EYS: variants seen among roughly 807,000 people sequenced by gnomAD.
The protein encoded by EYS is protein eyes shut homolog.
A neutral mutation model predicts 282.1 loss-of-function variants in EYS; 250 were observed. That is an observed-to-expected ratio of 0.89 (90% confidence interval 0.80 to 0.98). The LOEUF (loss-of-function observed/expected upper bound fraction) is 0.98. Among genes scored for constraint, EYS ranks in the 50% least tolerant of loss-of-function variants. The probability of loss-of-function intolerance (pLI) is 0.00; values close to 1 mark genes in which losing one functional copy is unlikely to be tolerated. For missense variants in EYS, 4,016 were observed against 3,709.0 expected, an observed-to-expected ratio of 1.08 and a Z score of -2.15; for synonymous variants, 1,355 against 1,282.9, an observed-to-expected ratio of 1.06 and a Z score of -1.20.
intron 31 of EYS, among the ~76,000 whole-genome samples, chr6:64,141,526 G>A (rs760364622): frequency 2.0e-5 from 3 of 151,490 alleles, no homozygotes; most frequent in Non-Finnish European, 4.4e-5. Flanking sequence ...TTATTTTTTT[G>A]CCAATGAACA....
chr6:65,369,341 T>C (rs1346559633), intron 8 of EYS, among the ~76,000 whole-genome samples: 1 of 145,008 alleles, frequency 6.9e-6, no homozygotes, highest in African/African-American at 2.5e-5. Flanking sequence ...TATATATATA[T>C]ATATCTCATT....
intron 36 of EYS, among the ~76,000 whole-genome samples, chr6:63,820,591 C>G (rs1582240569): frequency 6.6e-6 from 1 of 152,142 alleles, no homozygotes; most frequent in East Asian, 1.9e-4. Flanking sequence ...ATCTTTAAGT[C>G]TCTAATAATC....
intron 22 of EYS, among the ~76,000 whole-genome samples, chr6:64,802,797 T>A (rs1764289943): frequency 6.6e-6 from 1 of 152,218 alleles, no homozygotes; most frequent in Non-Finnish European, 1.5e-5. Context: ...TTATGTATCA[T>A]CTATCTATGT....
intron 22 of EYS, among the ~76,000 whole-genome samples, chr6:64,795,190 A>G (rs888813959): frequency 2.0e-5 from 3 of 151,774 alleles, no homozygotes; most frequent in African/African-American, 7.3e-5. Flanking sequence ...AGCTGAGATC[A>G]CATCATTGCA....
chr6:64,693,090 A>G (rs1039799382), intron 22 of EYS, among the ~76,000 whole-genome samples: 35 of 150,062 alleles, frequency 2.3e-4, no homozygotes, highest in African/African-American at 8.0e-4. Context: ...AAAAAGCACA[A>G]GTATGAATAA....
At chr6:65,403,792 C>T (rs1447545081) in intron 6 of EYS, among the ~76,000 whole-genome samples, 1 of 151,872 alleles carries the variant, frequency 6.6e-6, no homozygotes, top group Non-Finnish European at 1.5e-5. Context: ...CACTAAAAGT[C>T]GCTTCTTATA....
rs1309459749 is a variant in EYS, at chr6:64,886,735, G to T, written c.2954C>A (p.Thr985Asn). The T allele has an allele frequency of 6.5e-7, 1 of 1,547,286 alleles. No homozygotes were observed. Among genetic ancestry groups the T allele is most frequent in the East Asian group, 2.5e-5 (1 of 40,412 alleles). ...CLDEENCVYR[T>N]DGYNCLCAPG... ...GGCACAGAGGCAGTTGTATCCATCA[G>T]TCCTGTAGACACAATTTTCTTCATC... Residue 985 changes from threonine to asparagine, a missense_variant, in exon 19 of 43, where the codon ACT (threonine) becomes AAT (asparagine). Physicochemically the swap from Thr to Asn is moderately conservative, Grantham distance 65. Transcript: ENST00000503581.
chr6:65,660,943 G>T (rs1490154104), intron 1 of EYS, among the ~76,000 whole-genome samples: 1 of 151,580 alleles, frequency 6.6e-6, no homozygotes, highest in Non-Finnish European at 1.5e-5. Flanking sequence ...TGATTATTAT[G>T]ATAATGATGA....
chr6:63,777,250 G>A (rs114293562), intron 40 of EYS, among the ~76,000 whole-genome samples: 1,837 of 152,222 alleles, frequency 0.012, 29 homozygotes, highest in African/African-American at 0.042. Context: ...TTAAAACTAT[G>A]CTTTCTTCAG....
chr6:63,838,332 A>G lies in EYS; in HGVS notation c.7228+25854T>C, dbSNP rs369250882. Among the ~76,000 whole-genome samples the G allele has an allele frequency of 1.2e-4, 18 of 152,136 alleles. No individual in the cohort carries two copies. The South Asian group carries it at 3.7e-3, about 32-fold the overall frequency. ...TAAATAGACGTTAGTATAAAGATTT[A>G]TGTAAATCTGATTAGGAGCTGGATT... is the stretch of plus-strand genomic sequence containing the variant. On this transcript the variant is annotated intron_variant, in intron 36 of 42. Coordinates refer to ENST00000503581, the MANE Select transcript of EYS (RefSeq NM_001142800.2).
intron 12 of EYS, among the ~76,000 whole-genome samples, chr6:65,069,101 A>G (rs1315850362): frequency 1.3e-5 from 2 of 152,000 alleles, no homozygotes; most frequent in East Asian, 1.9e-4. Context: ...TTCCGAAAAT[A>G]AATGTGATAT....
chr6:64,877,681 C>T (rs1359482037), intron 19 of EYS, among the ~76,000 whole-genome samples: 1 of 152,040 alleles, frequency 6.6e-6, no homozygotes, highest in Admixed American at 6.6e-5. Context: ...CCATTTTAAT[C>T]TTGGGATTAA....
intron 14 of EYS, among the ~76,000 whole-genome samples, chr6:64,987,791 T>C (rs1770910991): frequency 6.6e-6 from 1 of 151,472 alleles, no homozygotes; most frequent in African/African-American, 2.4e-5. Flanking sequence ...ATTTATATTT[T>C]CTGAAAAGCA....
intron 12 of EYS, among the ~76,000 whole-genome samples, chr6:65,242,816 T>G (rs1241506238): frequency 6.6e-6 from 1 of 152,128 alleles, no homozygotes; most frequent in Non-Finnish European, 1.5e-5. Flanking sequence ...ATCTAGTGGT[T>G]GTAAAGTGGT....
intron 5 of EYS, among the ~76,000 whole-genome samples, chr6:65,428,750 T>C (rs1767759312): frequency 6.6e-6 from 1 of 152,080 alleles, no homozygotes; most frequent in Non-Finnish European, 1.5e-5. Flanking sequence ...ACTGAGGAAT[T>C]TTTTTTAAAT....
intron 26 of EYS, among the ~76,000 whole-genome samples, chr6:64,462,521 G>C (rs1398329243): frequency 6.6e-6 from 1 of 152,020 alleles, no homozygotes; most frequent in African/African-American, 2.4e-5. Context: ...CTAACTAGTG[G>C]AAGTTTTAAT....
chr6:65,429,704 T>C (rs2150383057), intron 5 of EYS, among the ~76,000 whole-genome samples: 1 of 152,236 alleles, frequency 6.6e-6, no homozygotes, highest in East Asian at 1.9e-4. Context: ...TAAAATGTAT[T>C]ATCTATGGAG....
At chr6:64,649,017 C>A (rs1327937763) in intron 22 of EYS, among the ~76,000 whole-genome samples, 1 of 152,102 alleles carries the variant, frequency 6.6e-6, no homozygotes, top group East Asian at 1.9e-4. Flanking sequence ...TATGTGTATA[C>A]TTTGCACTAC....
intron 33 of EYS, among the ~76,000 whole-genome samples, chr6:64,066,021 T>C (rs930328793): frequency 3.3e-5 from 5 of 152,130 alleles, no homozygotes; most frequent in African/African-American, 1.2e-4. Context: ...CCCAAGACTT[T>C]GGTAGGCCTA....
Sources: allele counts gnomAD v4.1 joint callset (sites outside exome capture counted in the v4.1 genomes callset), GRCh38; gene constraint gnomAD v4.1.1; transcripts MANE v1.5; gene names NCBI Gene and HGNC (gene_info 2026-07-23, HGNC 2026-07-21).